The following GABRG3 variants were observed in gnomAD, a reference collection of about 807,000 sequenced individuals.
GABRG3 encodes the protein gamma-aminobutyric acid receptor subunit gamma-3.
In GABRG3, 25 loss-of-function variants were observed where a neutral mutation model predicts 48.8. The ratio of observed to expected loss-of-function variants is 0.51; its 90% CI spans 0.37 to 0.72. The LOEUF (loss-of-function observed/expected upper bound fraction) is 0.72. Ranked by LOEUF, GABRG3 falls within the 30% of genes least tolerant of loss-of-function variation. The pLI, the probability that GABRG3 is intolerant of heterozygous loss-of-function variation, is 0.00. For synonymous variants in GABRG3, 227 were observed against 217.6 expected, an observed-to-expected ratio of 1.04 and a Z score of -0.38; for missense variants, 394 against 577.9, an observed-to-expected ratio of 0.68 and a Z score of 3.26.
chr15:27,411,617 G>C (rs1887800381), intron 5 of GABRG3, among the ~76,000 whole-genome samples: 1 of 152,104 alleles, frequency 6.6e-6, no homozygotes, highest in Non-Finnish European at 1.5e-5. Context: ...TATTCTTACT[G>C]CTTTTATGGG....
At chr15:27,094,498 C>T (rs560093390) in intron 3 of GABRG3, among the ~76,000 whole-genome samples, 1 of 152,270 alleles carries the variant, frequency 6.6e-6, no homozygotes, top group South Asian at 2.1e-4. Context: ...TGTGGCCATA[C>T]AGATGGGATT....
chr15:27,309,187 CAT>C (rs539422229), intron 3 of GABRG3, among the ~76,000 whole-genome samples: 30 of 149,482 alleles, frequency 2.0e-4, no homozygotes, highest in Admixed American at 6.0e-4. Context: ...TATAGAAACA[CAT>C]ATAATGTAAA....
chr15:27,271,400 C>G (rs1049383015), intron 3 of GABRG3: 6 of 363,798 alleles, frequency 1.6e-5, no homozygotes, highest in African/African-American at 1.3e-4. Context: ...ACGGGTCTTA[C>G]GCAGGGAGCT....
chr15:27,453,598 C>CTTGTTTGT (rs537480795), intron 5 of GABRG3, among the ~76,000 whole-genome samples: 1 of 152,012 alleles, frequency 6.6e-6, no homozygotes, highest in African/African-American at 2.4e-5. Context: ...TTATTCTTTT[C>CTTGTTTGT]TTGTTTGTTT....
intron 5 of GABRG3, among the ~76,000 whole-genome samples, chr15:27,479,259 T>C (rs752257726): frequency 6.6e-6 from 1 of 152,226 alleles, no homozygotes; most frequent in Non-Finnish European, 1.5e-5. Flanking sequence ...TTTGTAATTA[T>C]GGGGATAGGA....
intron 5 of GABRG3, among the ~76,000 whole-genome samples, chr15:27,401,166 A>G (rs1358422907): frequency 6.6e-6 from 1 of 152,196 alleles, no homozygotes; most frequent in African/African-American, 2.4e-5. Context: ...GTTCCTTACT[A>G]CATCAAAATT....
chr15:27,083,991 G>A (rs1897034224), intron 3 of GABRG3, among the ~76,000 whole-genome samples: 1 of 152,210 alleles, frequency 6.6e-6, no homozygotes, highest in Non-Finnish European at 1.5e-5. Context: ...AAAAGTGTGT[G>A]CAGGGAAGCC....
chr15:27,055,248 C>T (rs534813208), intron 3 of GABRG3, among the ~76,000 whole-genome samples: 1 of 152,234 alleles, frequency 6.6e-6, no homozygotes, highest in South Asian at 2.1e-4. Context: ...CTAGCACGTC[C>T]CGGGCTTTCA....
At chr15:27,336,897 A>G (rs1302943585) in intron 5 of GABRG3, among the ~76,000 whole-genome samples, 6 of 152,216 alleles carry the variant, frequency 3.9e-5, no homozygotes. Flanking sequence ...TGAGTGAAGA[A>G]TGCCAGTCTC....
intron 2 of GABRG3, among the ~76,000 whole-genome samples, chr15:26,992,734 G>T (rs1003578602): frequency 3.3e-5 from 5 of 152,052 alleles, no homozygotes; most frequent in Non-Finnish European, 5.9e-5. Flanking sequence ...TGACTTCATA[G>T]AATGAATTTG....
In GABRG3 at chr15:27,463,724, C is replaced by T. The variant is rs1050478061; in HGVS notation, c.575-16926C>T. Among the ~76,000 whole-genome samples, 7 of 152,168 alleles carry T rather than the reference C, an allele frequency of 4.6e-5. No individual in the cohort carries two copies. In the East Asian group the frequency reaches 5.8e-4, roughly 13 times the overall value. The stretch of plus-strand genomic sequence containing the variant: ...ACAGCTGTGCCTTCTCCTGGAGACA[C>T]GGAGCCGAGTCCAGACACTGCTCCT... On this transcript the variant is annotated intron_variant, in intron 5 of 9. Coordinates refer to ENST00000615808, the MANE Select transcript of GABRG3 (RefSeq NM_033223.5).
chr15:27,358,391 T>C (rs534093751), intron 5 of GABRG3, among the ~76,000 whole-genome samples: 1 of 152,314 alleles, frequency 6.6e-6, no homozygotes, highest in Admixed American at 6.5e-5. Flanking sequence ...GGGGCTTCTC[T>C]GTCAGAAGGT....
chr15:27,262,666 A>G (rs2140467628), intron 3 of GABRG3, among the ~76,000 whole-genome samples: 1 of 152,356 alleles, frequency 6.6e-6, no homozygotes, highest in South Asian at 2.1e-4. Context: ...ATGTAGAATC[A>G]GAAAACAATT....
chr15:27,536,206 A>C lies in GABRG3; in HGVS notation c.*3325A>C, dbSNP rs1891543446. The C allele has an allele frequency of 6.6e-6, 1 of 152,184 alleles. No individual in the cohort carries two copies. The highest frequency in any genetic ancestry group is 2.4e-5 in the African/African-American group (1 of 41,428). The allele number at this position is 152,184 out of a possible 1,614,324, so 9.4% of individuals were successfully genotyped here. ...AGAAAAGGCATTTCACATTAATGGA[A>C]TTGGAGAAAAATGTCTCTTCAGAGC... On this transcript the variant is annotated 3_prime_UTR_variant, in exon 10 of 10. Transcript: ENST00000615808.
At chr15:27,497,714 TG>T (rs1195077565) in intron 6 of GABRG3, among the ~76,000 whole-genome samples, 1 of 152,242 alleles carries the variant, frequency 6.6e-6, no homozygotes, top group Non-Finnish European at 1.5e-5. Flanking sequence ...ATATGTTGTG[TG>T]TTTCATATGA....
intron 3 of GABRG3, among the ~76,000 whole-genome samples, chr15:27,268,886 C>T (rs1294849544): frequency 6.6e-6 from 1 of 152,180 alleles, no homozygotes; most frequent in Non-Finnish European, 1.5e-5. Context: ...GACCCAGAAA[C>T]TCTTCTAAGC....
chr15:27,245,053 T>C (rs1026358), intron 3 of GABRG3, among the ~76,000 whole-genome samples: 48,637 of 151,866 alleles, frequency 0.32, 11,744 homozygotes, highest in African/African-American at 0.67. Flanking sequence ...GAGGTGATAG[T>C]GCTGGACCCT....
chr15:27,034,728 C>T (rs1458005275), intron 3 of GABRG3, among the ~76,000 whole-genome samples: 1 of 152,194 alleles, frequency 6.6e-6, no homozygotes, highest in Non-Finnish European at 1.5e-5. Flanking sequence ...CTTACTTACC[C>T]CAATCATCCA....
At chr15:26,988,192 C>G (rs1204229221) in intron 2 of GABRG3, among the ~76,000 whole-genome samples, 1 of 152,094 alleles carries the variant, frequency 6.6e-6, no homozygotes, top group Admixed American at 6.5e-5. Flanking sequence ...TTGTTAAAGT[C>G]TACTTGCTGC....
Sources: gnomAD v4.1 joint callset for allele counts (sites outside exome capture counted in the v4.1 genomes callset) on GRCh38, gnomAD v4.1.1 for gene constraint, MANE v1.5 for transcripts, NCBI Gene and HGNC (gene_info 2026-07-23, HGNC 2026-07-21) for gene names.